The following LAMB1 variants were observed in gnomAD, a reference collection of about 807,000 sequenced individuals.
LAMB1 encodes the protein laminin subunit beta 1, also known as laminin subunit beta-1.
In LAMB1, 121 loss-of-function variants were observed where a neutral mutation model predicts 222.3. That is an observed-to-expected ratio of 0.54 (90% CI 0.47 to 0.63). The LOEUF (loss-of-function observed/expected upper bound fraction) is 0.63. Ranked by LOEUF, LAMB1 falls within the 30% of genes least tolerant of loss-of-function variation. LAMB1 has a pLI of 0.00. For synonymous variants in LAMB1, 794 were observed against 807.2 expected, an observed-to-expected ratio of 0.98 and a Z score of 0.28; for missense variants, 2,172 against 2,240.8, an observed-to-expected ratio of 0.97 and a Z score of 0.62.
Position 107,955,605 on chromosome 7 carries a change from G to C in LAMB1, c.2716C>G (p.Pro906Ala), listed in dbSNP as rs762241971. 2 of 1,613,434 alleles carry C rather than the reference G, an allele frequency of 1.2e-6. No individual in the cohort carries two copies. The highest frequency in any genetic ancestry group is 2.2e-5 in the South Asian group (2 of 90,972). The stretch of plus-strand genomic sequence containing the variant: ...CAGTGATCTCCTGACCCAATGATGG[G>C]GTCGCCATAGTAACCAGCCAAGCAC... ...ERCLAGYYGDPIIGSGDHCRP... is the reference protein window; with the variant it reads ...ERCLAGYYGDAIIGSGDHCRP... Residue 906 changes from proline to alanine, a missense_variant, in exon 21 of 34, where the codon CCC becomes GCC. Pro to Ala is a conservative substitution (Grantham distance 27). Transcript: ENST00000222399.
intron 24 of LAMB1, among the ~76,000 whole-genome samples, chr7:107,943,785 CTGTATAT>C (rs1207640631): frequency 6.6e-6 from 1 of 152,114 alleles, no homozygotes; most frequent in Admixed American, 6.6e-5. Flanking sequence ...TGCCCGCCTT[CTGTATAT>C]TAGAGAAAAA....
intron 28 of LAMB1, among the ~76,000 whole-genome samples, chr7:107,931,899 AAAGT>A (rs1207532883): frequency 1.3e-5 from 2 of 152,196 alleles, no homozygotes; most frequent in Non-Finnish European, 2.9e-5. Flanking sequence ...TGGAGTCAGA[AAAGT>A]AAGATGGCTA....
At chr7:107,999,670 A>C (rs565596629) in intron 3 of LAMB1, 11 of 139,788 alleles carry the variant, frequency 7.9e-5, no homozygotes, top group African/African-American at 3.1e-4. Flanking sequence ...TGAGAAAAGC[A>C]TATGTCCAGT....
At chr7:107,975,983 A>G in intron 9 of LAMB1, 106 bp from the exon 10 acceptor site, 1 of 921,774 alleles carries the variant, frequency 1.1e-6, no homozygotes, top group Non-Finnish European at 1.6e-6. Context: ...AAGTTCAGAC[A>G]AAATGGCAGT....
intron 20 of LAMB1, 34 bp from the exon 21 acceptor site, chr7:107,955,664 C>A: frequency 1.3e-6 from 2 of 1,570,136 alleles, no homozygotes; most frequent in South Asian, 1.2e-5. Flanking sequence ...AGGCCATGAC[C>A]CCACAGTTCT....
intron 16 of LAMB1, 60 bp downstream of exon 16, chr7:107,961,489 T>C (rs1442392802): frequency 1.9e-6 from 3 of 1,589,208 alleles, no homozygotes; most frequent in African/African-American, 2.7e-5. Flanking sequence ...CGCAAAATAT[T>C]AGAAAAATAC....
chr7:107,976,834 T>C (rs2033866716), intron 9 of LAMB1, among the ~76,000 whole-genome samples: 1 of 150,044 alleles, frequency 6.7e-6, no homozygotes, highest in African/African-American at 2.5e-5. Flanking sequence ...TTTTCTTTCC[T>C]CTCTCTCCTT....
intron 13 of LAMB1, among the ~76,000 whole-genome samples, chr7:107,965,308 G>A (rs550542502): frequency 1.8e-4 from 27 of 152,290 alleles, no homozygotes; most frequent in East Asian, 3.9e-4. Flanking sequence ...GGCTGGGCAC[G>A]GTGGCTCACG....
At chr7:107,954,222 A>G (rs2033326264) in intron 21 of LAMB1, among the ~76,000 whole-genome samples, 1 of 152,096 alleles carries the variant, frequency 6.6e-6, no homozygotes, top group Non-Finnish European at 1.5e-5. Context: ...TGACATGATA[A>G]TAGCTCACTG....
At chr7:107,942,975 G>A (rs909139167) in intron 24 of LAMB1, among the ~76,000 whole-genome samples, 1 of 152,144 alleles carries the variant, frequency 6.6e-6, no homozygotes. Flanking sequence ...AAGACCTTAG[G>A]ATTTCAAAAG....
intron 22 of LAMB1, 96 bp downstream of exon 22, chr7:107,953,434 C>T: frequency 1.0e-6 from 1 of 958,878 alleles, no homozygotes; most frequent in East Asian, 2.5e-5. Context: ...AAGTGTTTTC[C>T]CAAGTGAAAT....
chr7:107,949,738 C>T (rs894702163), intron 24 of LAMB1, among the ~76,000 whole-genome samples: 14 of 152,314 alleles, frequency 9.2e-5, no homozygotes, highest in Non-Finnish European at 1.9e-4. Context: ...ACTTAAAAAA[C>T]AAATCATATC....
chr7:107,993,919 C>A (rs1347589043), intron 5 of LAMB1, among the ~76,000 whole-genome samples: 2 of 152,192 alleles, frequency 1.3e-5, no homozygotes. Flanking sequence ...CTCAGAGGCA[C>A]AGCCCAGCAT....
intron 20 of LAMB1, among the ~76,000 whole-genome samples, chr7:107,956,608 GTCC>G (rs1210076655): frequency 6.6e-6 from 1 of 152,198 alleles, no homozygotes; most frequent in Non-Finnish European, 1.5e-5. Context: ...TACAGAGTCT[GTCC>G]TCCTAGGCGG....
chr7:107,956,487 G>A (rs1335805153), intron 20 of LAMB1, among the ~76,000 whole-genome samples: 7 of 152,110 alleles, frequency 4.6e-5, no homozygotes, highest in African/African-American at 1.7e-4. Context: ...GCTTCATCTG[G>A]CCCCTCACTC....
intron 9 of LAMB1, among the ~76,000 whole-genome samples, chr7:107,977,107 C>A (rs1246615965): frequency 6.8e-6 from 1 of 146,242 alleles, no homozygotes; most frequent in African/African-American, 2.5e-5. Context: ...CTCCCCTTCC[C>A]TTCCTCCCTC....
chr7:107,964,709 A>G (rs1286839709), intron 13 of LAMB1, 22 bp from the exon 14 acceptor site: 1 of 1,613,746 alleles, frequency 6.2e-7, no homozygotes. Context: ...GAGGAGCCAC[A>G]TCAGCTGAGT....
intron 2 of LAMB1, chr7:108,002,078 C>T: frequency 6.8e-7 from 1 of 1,471,326 alleles, no homozygotes; most frequent in African/African-American, 1.4e-5. Context: ...TCCACTTCGA[C>T]GTGTCCGGAG....
chr7:107,955,518 G>A lies in LAMB1; in HGVS notation c.2803C>T (p.Gln935Ter), dbSNP rs757478168. 2 of 1,613,944 alleles carry A rather than the reference G, an allele frequency of 1.2e-6. No homozygotes were observed. Among genetic ancestry groups the A allele is most frequent in the East Asian group, 4.5e-5 (2 of 44,890 alleles). Residue 935 changes from glutamine to a stop codon, truncating the protein, a stop_gained, in exon 21 of 34, where the codon CAA becomes TAA. Coordinates refer to ENST00000222399, the MANE Select transcript of LAMB1 (RefSeq NM_002291.3). LOFTEE classifies it high-confidence loss of function. ...GCAAGCTGTAAAGTAACAGGATCTT[G>A]GTAGCAGCTCCTGGCAAACTGGCGT... ...SGRQFARSCYQDPVTLQLACV... is the reference protein window; with the variant it reads ...SGRQFARSCY
Sources: allele counts gnomAD v4.1 joint callset (sites outside exome capture counted in the v4.1 genomes callset), GRCh38; gene constraint gnomAD v4.1.1; transcripts MANE v1.5; gene names NCBI Gene and HGNC (gene_info 2026-07-23, HGNC 2026-07-21).